The following LRFN5 variants were observed in gnomAD, a reference collection of about 807,000 sequenced individuals.
LRFN5 encodes leucine rich repeat and fibronectin type III domain containing 5, also known as leucine-rich repeat and fibronectin type-III domain-containing protein 5.
LRFN5 carries 24 observed loss-of-function variants against 45.6 expected under a neutral mutation model. The observed-to-expected ratio is 0.53, with a 90% CI of 0.38 to 0.74. The LOEUF (loss-of-function observed/expected upper bound fraction) is 0.74, where lower values mean the gene tolerates loss of function less well. Ranked by LOEUF, LRFN5 falls within the 30% of genes least tolerant of loss-of-function variation. LRFN5 has a pLI of 0.00. For missense variants in LRFN5, 776 were observed against 861.5 expected (o/e 0.90, Z 1.24); for synonymous variants, 340 against 313.8 (o/e 1.08, Z -0.88).
rs986885171 is a variant in LRFN5, at chr14:41,755,909, G to A, written c.-196-10945G>A. ...GATTTTGCAGTGGCTGGTACCGGAT[G>A]TTCCTTTCCACGTCTAGTGCTTTCT... On this transcript the variant is annotated intron_variant, in intron 1 of 5. Transcript: ENST00000298119. Among the ~76,000 whole-genome samples, 15 of 152,288 alleles carry A rather than the reference G, an allele frequency of 9.8e-5. 1 individual carries two copies. In the East Asian group the frequency reaches 2.7e-3, roughly 27 times the overall value.
intron 1 of LRFN5, among the ~76,000 whole-genome samples, chr14:41,673,984 G>A (rs1376023497): frequency 4.2e-5 from 6 of 141,666 alleles, no homozygotes; most frequent in Non-Finnish European, 7.7e-5. Context: ...GGTGGCTGCC[G>A]GGCGGAGACG....
chr14:41,882,572 G>A, intron 2 of LRFN5, among the ~76,000 whole-genome samples: 1 of 152,030 alleles, frequency 6.6e-6, no homozygotes, highest in East Asian at 1.9e-4. Flanking sequence ...TCTGAGAGAA[G>A]TGATCTCTAC....
chr14:41,678,640 T>G (rs1468543391), intron 1 of LRFN5, among the ~76,000 whole-genome samples: 5 of 152,060 alleles, frequency 3.3e-5, no homozygotes, highest in Non-Finnish European at 5.9e-5. Context: ...ACATCTTAGG[T>G]GGATAAACTA....
At chr14:41,728,478 G>A (rs1884028939) in intron 1 of LRFN5, among the ~76,000 whole-genome samples, 1 of 152,104 alleles carries the variant, frequency 6.6e-6, no homozygotes, top group Admixed American at 6.6e-5. Context: ...AGTCTTTCAA[G>A]TATGAAAAAT....
chr14:41,674,787 A>G (rs750344676), intron 1 of LRFN5, among the ~76,000 whole-genome samples: 8 of 129,342 alleles, frequency 6.2e-5, no homozygotes, highest in South Asian at 2.6e-4. Context: ...CCGGGCGGAG[A>G]GGCTCCTCAC....
chr14:41,701,684 T>A (rs1882846894), intron 1 of LRFN5: 1 of 152,094 alleles, frequency 6.6e-6, no homozygotes, highest in Admixed American at 6.6e-5. Context: ...ATGCAGAATG[T>A]GATAGGAAGA....
chr14:41,753,604 G>A (rs933978579), intron 1 of LRFN5, among the ~76,000 whole-genome samples: 1 of 152,216 alleles, frequency 6.6e-6, no homozygotes, highest in East Asian at 1.9e-4. Flanking sequence ...TGTGATTTTT[G>A]CACATTGATT....
At chr14:41,771,414 C>A (rs1398402363) in intron 2 of LRFN5, among the ~76,000 whole-genome samples, 2 of 151,934 alleles carry the variant, frequency 1.3e-5, no homozygotes, top group Non-Finnish European at 2.9e-5. Flanking sequence ...TGCAAATTTT[C>A]CAAACTTTTA....
At chr14:41,804,329 G>A (rs1248265939) in intron 2 of LRFN5, among the ~76,000 whole-genome samples, 1 of 152,036 alleles carries the variant, frequency 6.6e-6, no homozygotes, top group Non-Finnish European at 1.5e-5. Context: ...TCACTTCTGG[G>A]TAGGGCCCAC....
At chr14:41,637,683 A>G (rs765331303) in intron 1 of LRFN5, among the ~76,000 whole-genome samples, 4 of 152,148 alleles carry the variant, frequency 2.6e-5, no homozygotes, top group Non-Finnish European at 4.4e-5. Context: ...GGTCATTAAT[A>G]TTATAGGTTG....
At position 41,827,444 on chromosome 14, in the gene LRFN5, G is replaced by A. The variant is rs74911474; in HGVS notation, c.-20-59162G>A. On this transcript the variant is annotated intron_variant, in intron 2 of 5. Transcript: ENST00000298119. The stretch of plus-strand genomic sequence containing the variant: ...CAAAAGTTATTGCTTCAATTACTTT[G>A]AAAAATATATATTTGGTAAGTATAT... 9.6e-3 allele frequency among the ~76,000 whole-genome samples: 1,460 copies of A among 151,902 alleles called. 18 individuals are homozygous for A. The highest frequency in any genetic ancestry group is 0.033 in the African/African-American group (1,374 of 41,492).
chr14:41,646,354 C>T (rs1428636236), intron 1 of LRFN5, among the ~76,000 whole-genome samples: 1 of 151,970 alleles, frequency 6.6e-6, no homozygotes, highest in Non-Finnish European at 1.5e-5. Flanking sequence ...TCTTTCTATT[C>T]CTATTCCTAT....
chr14:41,626,227 G>C (rs940694469), intron 1 of LRFN5, among the ~76,000 whole-genome samples: 6 of 152,024 alleles, frequency 3.9e-5, no homozygotes, highest in African/African-American at 1.4e-4. Context: ...AGTTAAATAT[G>C]AGTATTTTAA....
intron 2 of LRFN5, among the ~76,000 whole-genome samples, chr14:41,820,258 T>C (rs965351046): frequency 2.0e-5 from 3 of 152,096 alleles, no homozygotes; most frequent in African/African-American, 7.2e-5. Context: ...GTCTTATATT[T>C]AAATATTTAA....
At chr14:41,777,193 C>T (rs1022351875) in intron 2 of LRFN5, among the ~76,000 whole-genome samples, 1 of 151,382 alleles carries the variant, frequency 6.6e-6, no homozygotes, top group Non-Finnish European at 1.5e-5. Context: ...ATTCTTTATC[C>T]TTCTATTTTA....
At position 41,650,120 on chromosome 14, in the gene LRFN5, C is replaced by T. The variant is rs148722455; in HGVS notation, c.-197+41558C>T. Among the ~76,000 whole-genome samples, 418 of 152,002 alleles carry T rather than the reference C, an allele frequency of 2.7e-3. 3 individuals carry two copies. Among genetic ancestry groups the T allele is most frequent in the African/African-American group, 9.1e-3 (378 of 41,450 alleles). On this transcript the variant is annotated intron_variant, in intron 1 of 5. Coordinates refer to ENST00000298119, the MANE Select transcript of LRFN5 (RefSeq NM_152447.5). ...AAAGATATTTGCAACACAAGCCGAG[C>T]GTGGTGGCTCACACCTGTAATCCCA...
rs186736978 is a variant in LRFN5, at chr14:41,837,350, G to A, written c.-20-49256G>A. Among the ~76,000 whole-genome samples the A allele has an allele frequency of 1.8e-4, 28 of 152,238 alleles. No individual in the cohort carries two copies. The East Asian group carries it at 4.7e-3, about 25-fold the overall frequency. On this transcript the variant is annotated intron_variant, in intron 2 of 5. Coordinates refer to ENST00000298119, the MANE Select transcript of LRFN5 (RefSeq NM_152447.5). ...CTGCCCACTGCTCTGCCCCTGTGGT[G>A]AAATGCTAGACTTAGTACAGGGCAG...
At chr14:41,663,441 G>A (rs190640757) in intron 1 of LRFN5, among the ~76,000 whole-genome samples, 2 of 152,188 alleles carry the variant, frequency 1.3e-5, no homozygotes. Flanking sequence ...TGAATTTTAT[G>A]CATTGGTGTT....
At chr14:41,771,680 A>C (rs1485996510) in intron 2 of LRFN5, among the ~76,000 whole-genome samples, 1 of 152,076 alleles carries the variant, frequency 6.6e-6, no homozygotes, top group Non-Finnish European at 1.5e-5. Flanking sequence ...TAACTTCCTC[A>C]TTTCCATCGG....
Sources: gnomAD v4.1 joint callset for allele counts (sites outside exome capture counted in the v4.1 genomes callset) on GRCh38, gnomAD v4.1.1 for gene constraint, MANE v1.5 for transcripts, NCBI Gene and HGNC (gene_info 2026-07-23, HGNC 2026-07-21) for gene names.